The following TBC1D32 variants were observed in gnomAD, a reference collection of about 807,000 sequenced individuals.
The protein encoded by TBC1D32 is TBC1 domain family member 32.
In TBC1D32, 151 loss-of-function variants were observed where a neutral mutation model predicts 170.3. The ratio of observed to expected loss-of-function variants is 0.89; its 90% CI spans 0.78 to 1.01. The LOEUF (loss-of-function observed/expected upper bound fraction) is 1.01. Among genes scored for constraint, TBC1D32 ranks in the 50% least tolerant of loss-of-function variants. The pLI, the probability that TBC1D32 is intolerant of heterozygous loss-of-function variation, is 0.00. For missense variants in TBC1D32, 1,464 were observed against 1,457.1 expected (o/e 1.00, Z -0.08); for synonymous variants, 498 against 488.0 (o/e 1.02, Z -0.27).
At position 121,294,480 on chromosome 6, in the gene TBC1D32, A is replaced by G. The variant is rs1805321598; in HGVS notation, c.1231+90T>C. ...AGTGACCTAATTTACCATACTAACA[A>G]TCATTAAAAAATAAAAGTTCCTACT... is the stretch of plus-strand genomic sequence containing the variant. On this transcript the variant is annotated intron_variant, in intron 11 of 31. Coordinates refer to ENST00000398212, the MANE Select transcript of TBC1D32 (RefSeq NM_152730.6). 10 of 891,948 alleles carry G rather than the reference A, an allele frequency of 1.1e-5. 1 individual carries two copies. The highest frequency in any genetic ancestry group is 5.0e-5 in the South Asian group (3 of 60,394). The allele number at this position is 891,948 out of a possible 1,614,324, so 55.3% of individuals were successfully genotyped here.
intron 9 of TBC1D32, 72 bp downstream of exon 9, chr6:121,303,545 C>A (rs748314852): frequency 1.7e-6 from 2 of 1,205,708 alleles, no homozygotes; most frequent in African/African-American, 3.1e-5. Context: ...ACACAGTATT[C>A]AAACATTAAC....
chr6:121,205,223 T>C (rs984533227), intron 21 of TBC1D32, 60 bp from the exon 22 acceptor site: 27 of 817,538 alleles, frequency 3.3e-5, no homozygotes, highest in Middle Eastern at 4.8e-4. Flanking sequence ...GAAAATTAAG[T>C]CAACAACAAT....
Position 121,229,997 on chromosome 6 carries a change from C to T in TBC1D32, c.2365-6645G>A, listed in dbSNP as rs147399761. ...TAAGATGTGTGCCTTGCTTCCCCTC[C>T]GCCTTCCTTCCTGAATGTAAGTTTC... is the stretch of plus-strand genomic sequence containing the variant. On this transcript the variant is annotated intron_variant, in intron 20 of 31. Coordinates refer to ENST00000398212, the MANE Select transcript of TBC1D32 (RefSeq NM_152730.6). Among the ~76,000 whole-genome samples the T allele has an allele frequency of 8.8e-4, 134 of 152,180 alleles. 1 individual carries two copies. The South Asian group carries it at 0.024, about 28-fold the overall frequency.
intron 15 of TBC1D32, among the ~76,000 whole-genome samples, chr6:121,276,069 G>A (rs1358746287): frequency 6.8e-6 from 1 of 146,848 alleles, no homozygotes; most frequent in East Asian, 2.2e-4. Context: ...GCAGTGAGCC[G>A]AGTTCACGCC....
chr6:121,179,503 A>G (rs1788236835), intron 22 of TBC1D32, among the ~76,000 whole-genome samples: 2 of 152,016 alleles, frequency 1.3e-5, no homozygotes, highest in Non-Finnish European at 2.9e-5. Context: ...ACGATATAAT[A>G]TTACAGATGA....
In TBC1D32 at chr6:121,329,536, T is replaced by C. The variant is rs532724322; in HGVS notation, c.155+4740A>G. Among the ~76,000 whole-genome samples, 350 of 151,962 alleles carry C rather than the reference T, an allele frequency of 2.3e-3. 1 individual carries two copies. The highest frequency in any genetic ancestry group is 8.2e-3 in the African/African-American group (338 of 41,468). The stretch of plus-strand genomic sequence containing the variant: ...GCGTGGTGGCAAACACCTGTAATCT[T>C]AGCTACTTGGGAGGCTGAGGCAAGA... On this transcript the variant is annotated intron_variant, in intron 1 of 31. Transcript: ENST00000398212.
At chr6:121,191,459 C>A (rs1396056782) in intron 22 of TBC1D32, among the ~76,000 whole-genome samples, 1 of 152,060 alleles carries the variant, frequency 6.6e-6, no homozygotes, top group South Asian at 2.1e-4. Flanking sequence ...TTTCAATACA[C>A]ATACAACCAT....
At chr6:121,226,405 G>A (rs1795071576) in intron 20 of TBC1D32, among the ~76,000 whole-genome samples, 1 of 152,114 alleles carries the variant, frequency 6.6e-6, no homozygotes. Context: ...GCAGAGATGT[G>A]CTACATTAAT....
intron 24 of TBC1D32, among the ~76,000 whole-genome samples, chr6:121,152,194 CTGGAGTGACAAAA>C (rs1201479159): frequency 6.6e-6 from 1 of 152,094 alleles, no homozygotes; most frequent in African/African-American, 2.4e-5. Context: ...TAAGGCAGGC[CTGGAGTGACAAAA>C]TCCCTCAGCA....
chr6:121,261,371 T>C (rs1184450472), intron 15 of TBC1D32, among the ~76,000 whole-genome samples: 1 of 152,166 alleles, frequency 6.6e-6, no homozygotes, highest in Non-Finnish European at 1.5e-5. Context: ...GCGTTCCTAC[T>C]GGCATCAGGT....
intron 30 of TBC1D32, among the ~76,000 whole-genome samples, chr6:121,099,398 A>G (rs1403160343): frequency 6.6e-6 from 1 of 151,956 alleles, no homozygotes; most frequent in Non-Finnish European, 1.5e-5. Flanking sequence ...AAACTTAGTA[A>G]TTACCAAAAG....
intron 24 of TBC1D32, among the ~76,000 whole-genome samples, chr6:121,144,780 T>C (rs1051545394): frequency 5.9e-5 from 9 of 152,158 alleles, no homozygotes; most frequent in African/African-American, 1.9e-4. Flanking sequence ...ACAACAGTAA[T>C]GCAGCTAGAA....
At chr6:121,103,108 A>C (rs1778306374) in intron 30 of TBC1D32, among the ~76,000 whole-genome samples, 1 of 152,124 alleles carries the variant, frequency 6.6e-6, no homozygotes, top group Non-Finnish European at 1.5e-5. Flanking sequence ...GGATGTGGAG[A>C]AATAGGAACA....
chr6:121,256,437 G>A (rs1382360323), intron 15 of TBC1D32, 152 bp from the exon 16 acceptor site: 7 of 627,514 alleles, frequency 1.1e-5, no homozygotes, highest in Non-Finnish European at 1.9e-5. Context: ...ATGCACAGAT[G>A]TCTAGTAATG....
At chr6:121,249,867 A>C (rs1798071321) in intron 17 of TBC1D32, among the ~76,000 whole-genome samples, 1 of 152,152 alleles carries the variant, frequency 6.6e-6, no homozygotes. Context: ...TCCCATGCTC[A>C]TAGATGGGTA....
chr6:121,125,028 G>A (rs1424229957), intron 26 of TBC1D32, among the ~76,000 whole-genome samples: 5 of 152,030 alleles, frequency 3.3e-5, no homozygotes, highest in East Asian at 1.9e-4. Flanking sequence ...ATTGGTCTTC[G>A]GCATCTCATT....
intron 30 of TBC1D32, among the ~76,000 whole-genome samples, chr6:121,097,218 G>C (rs1053548864): frequency 6.6e-6 from 1 of 152,050 alleles, no homozygotes; most frequent in Non-Finnish European, 1.5e-5. Context: ...AAACTAAAGA[G>C]CTTCTGCACA....
At position 121,304,789 on chromosome 6, in the gene TBC1D32, T is replaced by A; in HGVS notation, c.735A>T (p.Pro245=). The A allele has an allele frequency of 6.2e-7, 1 of 1,609,294 alleles. No individual in the cohort carries two copies. Among genetic ancestry groups the A allele is most frequent in the South Asian group, 1.1e-5 (1 of 89,732 alleles). ...TATAAATTTCCTTGGTCATATGTAATGGAGAAAGCAAAAATGTCTGTGCAC... is the reference window on the plus strand; with the variant it reads ...TATAAATTTCCTTGGTCATATGTAAAGGAGAAAGCAAAAATGTCTGTGCAC... The part of the protein sequence containing the change: ...KFCAQTFLLS[P]LHMTKEIYTS... The change falls in exon 6 of 32, where the codon CCA becomes CCT. Residue 245 remains proline (P), a synonymous_variant. Coordinates refer to ENST00000398212, the MANE Select transcript of TBC1D32 (RefSeq NM_152730.6).
At chr6:121,309,478 A>T (rs1265800426) in intron 4 of TBC1D32, among the ~76,000 whole-genome samples, 1 of 152,172 alleles carries the variant, frequency 6.6e-6, no homozygotes, top group Non-Finnish European at 1.5e-5. Flanking sequence ...TTTTTTAAAA[A>T]TTTCAGTAGG....
Sources: gnomAD v4.1 joint callset for allele counts (sites outside exome capture counted in the v4.1 genomes callset) on GRCh38, gnomAD v4.1.1 for gene constraint, MANE v1.5 for transcripts, NCBI Gene and HGNC (gene_info 2026-07-23, HGNC 2026-07-21) for gene names.